Variants in LRRC4C observed in about 807,000 individuals in gnomAD.
The protein encoded by LRRC4C is leucine rich repeat containing 4C, also known as leucine-rich repeat-containing protein 4C.
LRRC4C carries 5 observed loss-of-function variants against 33.6 expected under a neutral mutation model. The ratio of observed to expected loss-of-function variants is 0.15; its 90% confidence interval spans 0.08 to 0.31. The LOEUF (loss-of-function observed/expected upper bound fraction) is 0.31. Among genes scored for constraint, LRRC4C ranks in the 10% least tolerant of loss-of-function variants. The probability of loss-of-function intolerance (pLI) is 1.00; values close to 1 mark genes in which losing one functional copy is unlikely to be tolerated. For synonymous variants in LRRC4C, 329 were observed against 302.0 expected, an observed-to-expected ratio of 1.09 and a Z score of -0.93; for missense variants, 560 against 796.7, an observed-to-expected ratio of 0.70 and a Z score of 3.58.
intron 1 of LRRC4C, among the ~76,000 whole-genome samples, chr11:41,408,476 G>A (rs1188609885): frequency 6.6e-6 from 1 of 152,104 alleles, no homozygotes; most frequent in African/African-American, 2.4e-5. Context: ...TTTGGATCAA[G>A]TGATTGGTTA....
At chr11:41,221,094 A>C (rs1947285082) in intron 1 of LRRC4C, among the ~76,000 whole-genome samples, 1 of 152,160 alleles carries the variant, frequency 6.6e-6, no homozygotes, top group Admixed American at 6.5e-5. Context: ...CCCAGGTATT[A>C]AGCCTAGTAC....
chr11:41,148,135 C>T (rs1325729120), intron 1 of LRRC4C, among the ~76,000 whole-genome samples: 1 of 152,066 alleles, frequency 6.6e-6, no homozygotes, highest in Non-Finnish European at 1.5e-5. Flanking sequence ...CCTGCCTCAG[C>T]CTCCCAAGTA....
At chr11:40,549,375 T>C (rs1957049611) in intron 3 of LRRC4C, among the ~76,000 whole-genome samples, 1 of 152,092 alleles carries the variant, frequency 6.6e-6, no homozygotes, top group Non-Finnish European at 1.5e-5. Flanking sequence ...ACTTACCTCT[T>C]CCCCTCCAAT....
chr11:41,346,004 A>C (rs115743438), intron 1 of LRRC4C, among the ~76,000 whole-genome samples: 2,931 of 152,316 alleles, frequency 0.019, 92 homozygotes, highest in African/African-American at 0.068. Context: ...TGACAAACTA[A>C]GTATTCTAAG....
At chr11:40,463,853 G>A (rs1222219328) in intron 3 of LRRC4C, among the ~76,000 whole-genome samples, 4 of 152,010 alleles carry the variant, frequency 2.6e-5, no homozygotes, top group Non-Finnish European at 5.9e-5. Flanking sequence ...TAATCCATTT[G>A]AGGAATATCT....
chr11:41,132,697 AT>A (rs1183433321), intron 1 of LRRC4C, among the ~76,000 whole-genome samples: 1 of 152,070 alleles, frequency 6.6e-6, no homozygotes, highest in East Asian at 1.9e-4. Flanking sequence ...GATCATTTTT[AT>A]TTTTATGATA....
intron 3 of LRRC4C, among the ~76,000 whole-genome samples, chr11:40,633,325 T>TTCTCTTTCTTTCTCTC (rs772299978): frequency 8.9e-6 from 1 of 112,246 alleles, no homozygotes; most frequent in Non-Finnish European, 1.9e-5. Context: ...CAAGTTTTCT[T>TTCTCTTTCTTTCTCTC]TTTCTTTCTT....
intron 1 of LRRC4C, among the ~76,000 whole-genome samples, chr11:41,123,220 C>G (rs1380355105): frequency 2.1e-5 from 3 of 144,598 alleles, no homozygotes; most frequent in African/African-American, 7.9e-5. Context: ...TCAAGCAACT[C>G]TGGATTTTAT....
At chr11:41,035,918 T>C (rs999640802) in intron 1 of LRRC4C, among the ~76,000 whole-genome samples, 2 of 152,072 alleles carry the variant, frequency 1.3e-5, no homozygotes, top group African/African-American at 2.4e-5. Context: ...AGAGAAATGA[T>C]AGAAAATTAA....
intron 1 of LRRC4C, among the ~76,000 whole-genome samples, chr11:41,223,365 G>A (rs1481058698): frequency 6.6e-6 from 1 of 152,090 alleles, no homozygotes; most frequent in African/African-American, 2.4e-5. Context: ...GTATCTGTTT[G>A]CACCTTCTTG....
chr11:41,349,345 CACACT>C (rs1340655858), intron 1 of LRRC4C, among the ~76,000 whole-genome samples: 1 of 152,156 alleles, frequency 6.6e-6, no homozygotes, highest in African/African-American at 2.4e-5. Context: ...ATGCTGCAAC[CACACT>C]GAGGCACTTT....
At chr11:40,353,445 CAGT>C (rs1281197773) in intron 3 of LRRC4C, among the ~76,000 whole-genome samples, 2 of 152,034 alleles carry the variant, frequency 1.3e-5, no homozygotes, top group Non-Finnish European at 1.5e-5. Flanking sequence ...AGGCCAGGTG[CAGT>C]GGCTCATGCC....
At chr11:40,488,282 C>T (rs113306172) in intron 3 of LRRC4C, among the ~76,000 whole-genome samples, 2,038 of 109,440 alleles carry the variant, frequency 0.019, 34 homozygotes, top group African/African-American at 0.062. Flanking sequence ...GTGTTTTTTT[C>T]CCCCCCCCAC....
At chr11:40,528,466 C>T (rs1020198683) in intron 3 of LRRC4C, among the ~76,000 whole-genome samples, 5 of 150,006 alleles carry the variant, frequency 3.3e-5, no homozygotes, top group African/African-American at 7.4e-5. Context: ...ACAGCTATTA[C>T]GATGTCTTTT....
chr11:40,904,628 T>C (rs918709426), intron 2 of LRRC4C, among the ~76,000 whole-genome samples: 2 of 152,140 alleles, frequency 1.3e-5, no homozygotes, highest in Non-Finnish European at 2.9e-5. Flanking sequence ...CAAAAGCTCA[T>C]GACTGTAGCT....
At chr11:40,136,246 C>A (rs1321954724) in intron 6 of LRRC4C, among the ~76,000 whole-genome samples, 1 of 151,836 alleles carries the variant, frequency 6.6e-6, no homozygotes, top group Non-Finnish European at 1.5e-5. Flanking sequence ...GCTACTACAG[C>A]ATCCATCCAG....
intron 3 of LRRC4C, among the ~76,000 whole-genome samples, chr11:40,388,745 T>C (rs7946605): frequency 0.99 from 151,069 of 152,290 alleles, 74,951 homozygotes; most frequent in Middle Eastern, 1. Context: ...TACAAATTGG[T>C]CAAATAAGTT....
chr11:41,459,106 T>C (rs1361246232), intron 1 of LRRC4C, among the ~76,000 whole-genome samples: 1 of 152,150 alleles, frequency 6.6e-6, no homozygotes, highest in East Asian at 1.9e-4. Flanking sequence ...TTAATGTTTT[T>C]CCTCAAATTT....
intron 1 of LRRC4C, among the ~76,000 whole-genome samples, chr11:41,435,047 G>C (rs187136901): frequency 8.5e-5 from 13 of 152,214 alleles, no homozygotes; most frequent in Middle Eastern, 3.4e-3. Flanking sequence ...ATTTGTCAGG[G>C]AAGCAACCAA....
Sources: allele counts gnomAD v4.1 joint callset (sites outside exome capture counted in the v4.1 genomes callset), GRCh38; gene constraint gnomAD v4.1.1; transcripts MANE v1.5; gene names NCBI Gene and HGNC (gene_info 2026-07-23, HGNC 2026-07-21).